Variants in CDK19 observed in about 807,000 individuals in gnomAD.
CDK19 encodes the protein cyclin dependent kinase 19, also known as cyclin-dependent kinase 19.
CDK19 carries 20 observed loss-of-function variants against 68.3 expected under a neutral mutation model. The observed-to-expected ratio is 0.29, with a 90% confidence interval of 0.21 to 0.43. The LOEUF (loss-of-function observed/expected upper bound fraction) is 0.43, where lower values mean the gene tolerates loss of function less well. Ranked by LOEUF, CDK19 falls within the 20% of genes least tolerant of loss-of-function variation. CDK19 has a pLI of 1.00. For synonymous variants in CDK19, 221 were observed against 222.8 expected, an observed-to-expected ratio of 0.99 and a Z score of 0.07; for missense variants, 339 against 623.5, an observed-to-expected ratio of 0.54 and a Z score of 4.86.
intron 4 of CDK19, chr6:110,646,451 C>T: frequency 6.7e-7 from 1 of 1,500,146 alleles, no homozygotes; most frequent in Non-Finnish European, 8.9e-7. Context: ...CATGCACCGC[C>T]TCATCCCTGA....
intron 1 of CDK19, among the ~76,000 whole-genome samples, chr6:110,747,028 T>C (rs1778125202): frequency 6.6e-6 from 1 of 152,218 alleles, no homozygotes; most frequent in Admixed American, 6.5e-5. Flanking sequence ...GTCATAACTA[T>C]AGTTCATATT....
At chr6:110,812,159 C>T (rs368177422) in intron 1 of CDK19, among the ~76,000 whole-genome samples, 2 of 151,168 alleles carry the variant, frequency 1.3e-5, no homozygotes, top group Non-Finnish European at 2.9e-5. Flanking sequence ...CTCGCTCTGT[C>T]GCCCTGGCTG....
rs529185592 is a variant in CDK19 at position 110,780,145 on chromosome 6, G to A, written c.129-33944C>T. On this transcript the variant is annotated intron_variant, in intron 1 of 12. Coordinates refer to ENST00000368911, the MANE Select transcript of CDK19 (RefSeq NM_015076.5). ...AGACTGGAGAATCACTTGAACCCAGGAGATGGAGGTTGCAGTGAACAGAGA... is the reference window on the plus strand; with the variant it reads ...AGACTGGAGAATCACTTGAACCCAGAAGATGGAGGTTGCAGTGAACAGAGA... 3.9e-5 allele frequency among the ~76,000 whole-genome samples: 6 copies of A among 151,958 alleles called. No homozygotes were observed. The South Asian group carries it at 1.0e-3, about 26-fold the overall frequency.
chr6:110,692,313 A>C (rs1327854733), intron 2 of CDK19, among the ~76,000 whole-genome samples: 7 of 151,932 alleles, frequency 4.6e-5, no homozygotes. Flanking sequence ...AAAAGAAAGA[A>C]AGACACTCTT....
intron 4 of CDK19, among the ~76,000 whole-genome samples, chr6:110,641,276 G>C (rs933684250): frequency 1.3e-5 from 2 of 152,092 alleles, no homozygotes; most frequent in Admixed American, 6.6e-5. Flanking sequence ...TTAAATCCAG[G>C]AGGAAAAGAC....
intron 10 of CDK19, 139 bp from the exon 11 acceptor site, chr6:110,622,305 C>G: frequency 1.6e-6 from 1 of 619,870 alleles, no homozygotes; most frequent in Non-Finnish European, 2.8e-6. Flanking sequence ...ATCTTGACTG[C>G]TGCTAGCTAG....
In CDK19 at chr6:110,759,420, A is replaced by T. The variant is rs1187192979; in HGVS notation, c.129-13219T>A. ...ACTCCGTCTTAAAAAAAAAAAAAAAAAAAAAAAAATATATATATATATATA... is the reference window on the plus strand; with the variant it reads ...ACTCCGTCTTAAAAAAAAAAAAAAATAAAAAAAAATATATATATATATATA... On this transcript the variant is annotated intron_variant, in intron 1 of 12. Coordinates refer to ENST00000368911, the MANE Select transcript of CDK19 (RefSeq NM_015076.5). 9.3e-3 allele frequency among the ~76,000 whole-genome samples: 1,076 copies of T among 115,344 alleles called. 16 individuals carry two copies. The highest frequency in any genetic ancestry group is 0.041 in the African/African-American group (1,034 of 24,992). The allele number at this position is 115,344 out of a possible 152,430, so 75.7% of individuals were successfully genotyped here. A position where few individuals can be genotyped will look rare whatever the true frequency, so the allele number is the denominator to read the frequency against.
chr6:110,723,213 C>T (rs1029004552), intron 2 of CDK19, among the ~76,000 whole-genome samples: 13 of 149,672 alleles, frequency 8.7e-5, no homozygotes, highest in African/African-American at 3.2e-4. Flanking sequence ...AGGTTATACA[C>T]AAGCAAGGCC....
chr6:110,799,034 C>T (rs1782159389), intron 1 of CDK19, among the ~76,000 whole-genome samples: 1 of 150,724 alleles, frequency 6.6e-6, no homozygotes, highest in African/African-American at 2.4e-5. Flanking sequence ...AGCCTAGCTA[C>T]TCAGGAGGCT....
intron 2 of CDK19, among the ~76,000 whole-genome samples, chr6:110,682,443 A>C (rs1476601620): frequency 1.3e-5 from 2 of 152,338 alleles, no homozygotes; most frequent in African/African-American, 4.8e-5. Flanking sequence ...TAGTATTTGA[A>C]AGTTGACACT....
rs1253965691 is a variant in CDK19, at chr6:110,814,547, G to T, written c.128+462C>A. On this transcript the variant is annotated intron_variant, in intron 1 of 12. Transcript: ENST00000368911. ...GACCCCAGGCCGCGTTCGCCCGACA[G>T]GCTCCCCGGCGAGGTTTCAAACCGC... 5 of 455,358 alleles carry T rather than the reference G, an allele frequency of 1.1e-5. No homozygotes were observed. In the Admixed American group the frequency reaches 1.2e-4, roughly 11 times the overall value. The allele number at this position is 455,358 out of a possible 1,614,324, so 28.2% of individuals were successfully genotyped here.
chr6:110,640,613 G>A (rs1780084395), intron 4 of CDK19, among the ~76,000 whole-genome samples: 2 of 152,118 alleles, frequency 1.3e-5, no homozygotes, highest in African/African-American at 2.4e-5. Flanking sequence ...AAGAGGTAAT[G>A]GTTTAAAAAT....
At chr6:110,804,950 C>T (rs143333700) in intron 1 of CDK19, among the ~76,000 whole-genome samples, 4,234 of 151,062 alleles carry the variant, frequency 0.028, 83 homozygotes, top group South Asian at 0.083. Flanking sequence ...AACAAGACTT[C>T]GTCTCAAAAC....
rs2114549872 is a variant in CDK19 at position 110,614,400 on chromosome 6, G to T, written c.*135C>A. 1.4e-6 allele frequency: 1 copy of T among 722,108 alleles called. No homozygotes were observed. The highest frequency in any genetic ancestry group is 2.3e-6 in the Non-Finnish European group (1 of 443,332). 44.7% of individuals were successfully genotyped at this position (722,108 alleles called of 1,614,324 possible). Reference sequence around the variant, plus strand: ...AGCTATCAGTCCTGCACAATGCTCAGTATATAAGGTTTTCCTCCCATGTGT... The same window carrying T: ...AGCTATCAGTCCTGCACAATGCTCATTATATAAGGTTTTCCTCCCATGTGT... On this transcript the variant is annotated 3_prime_UTR_variant, in exon 13 of 13. Transcript: ENST00000368911.
At chr6:110,706,385 C>T (rs1333276704) in intron 2 of CDK19, 2 of 140,608 alleles carry the variant, frequency 1.4e-5, no homozygotes, top group East Asian at 2.2e-4. Context: ...ATGTCAACAG[C>T]ATGCTGGGTA....
chr6:110,718,343 G>A (rs1044979468), intron 2 of CDK19, among the ~76,000 whole-genome samples: 6 of 152,092 alleles, frequency 3.9e-5, no homozygotes, highest in African/African-American at 9.7e-5. Context: ...GTATATATTC[G>A]AGGTGTGGAA....
intron 4 of CDK19, among the ~76,000 whole-genome samples, chr6:110,641,202 G>A (rs982428994): frequency 6.6e-6 from 1 of 152,032 alleles, no homozygotes; most frequent in African/African-American, 2.4e-5. Flanking sequence ...TGTAAAAAGT[G>A]TTGTACTTCA....
intron 1 of CDK19, among the ~76,000 whole-genome samples, chr6:110,805,734 C>A (rs1467775930): frequency 6.6e-6 from 1 of 151,874 alleles, no homozygotes. Flanking sequence ...ATATTAAGTT[C>A]AAAAATGTAG....
At position 110,815,224 on chromosome 6, in the gene CDK19, T is replaced by A; in HGVS notation, c.-88A>T. On this transcript the variant is annotated 5_prime_UTR_variant, in exon 1 of 13. Coordinates refer to ENST00000368911, the MANE Select transcript of CDK19 (RefSeq NM_015076.5). Reference sequence around the variant, plus strand: ...CTCCCCCCGCGACCGCCGCTCCACTTCTCCAACAGCCGCCTCTCGCGCGCG... The same window carrying A: ...CTCCCCCCGCGACCGCCGCTCCACTACTCCAACAGCCGCCTCTCGCGCGCG... The A allele has an allele frequency of 2.4e-6, 3 of 1,227,434 alleles. No homozygotes were observed. Among genetic ancestry groups the A allele is most frequent in the Non-Finnish European group, 1.0e-6 (1 of 963,438 alleles). 76.0% of individuals were successfully genotyped at this position (1,227,434 alleles called of 1,614,324 possible). A position where few individuals can be genotyped will look rare whatever the true frequency, so the allele number is the denominator to read the frequency against.
Sources: allele counts gnomAD v4.1 joint callset (sites outside exome capture counted in the v4.1 genomes callset), GRCh38; gene constraint gnomAD v4.1.1; transcripts MANE v1.5; gene names NCBI Gene and HGNC (gene_info 2026-07-23, HGNC 2026-07-21).